The following PLIN2 variants were observed in gnomAD, a reference collection of about 807,000 sequenced individuals.
The protein encoded by PLIN2 is perilipin 2.
In PLIN2, 33 loss-of-function variants were observed where a neutral mutation model predicts 30.6. The ratio of observed to expected loss-of-function variants is 1.08; its 90% CI spans 0.82 to 1.44. The LOEUF (loss-of-function observed/expected upper bound fraction) is 1.44. PLIN2 is among the 40% of genes most tolerant of loss of function. The probability of loss-of-function intolerance (pLI) is 0.00; values close to 1 mark genes in which losing one functional copy is unlikely to be tolerated. For missense variants in PLIN2, 610 were observed against 531.8 expected (o/e 1.15, Z -1.45); for synonymous variants, 205 against 201.1 (o/e 1.02, Z -0.16).
Position 19,118,317 on chromosome 9 carries a change from T to G in PLIN2, c.912+4A>C, listed in dbSNP as rs369671467. 6.3e-7 allele frequency: 1 copy of G among 1,594,802 alleles called. No homozygotes were observed. Among genetic ancestry groups the G allele is most frequent in the South Asian group, 1.1e-5 (1 of 87,010 alleles). ...CCAACAAATGACCGTCCCAGTCATC[T>G]TACCTCAGCACAGTGGGACTCATCA... On this transcript the variant is annotated splice_donor_region_variant and intron_variant, in intron 7 of 7. Transcript: ENST00000276914.
Position 19,126,325 on chromosome 9 carries a change from G to A in PLIN2, c.31-16C>T. 2 of 1,613,536 alleles carry A rather than the reference G, an allele frequency of 1.2e-6. No homozygotes were observed. Among genetic ancestry groups the A allele is most frequent in the Non-Finnish European group, 1.7e-6 (2 of 1,179,508 alleles). ...TCACCACACTCTGCAATCAAAGTAG[G>A]GAGGGTATGCTTATTAATCTCTCAA... On this transcript the variant is annotated splice_polypyrimidine_tract_variant and intron_variant, in intron 2 of 7. Coordinates refer to ENST00000276914, the MANE Select transcript of PLIN2 (RefSeq NM_001122.4).
intron 3 of PLIN2, 47 bp downstream of exon 3, chr9:19,126,067 G>T: frequency 6.5e-7 from 1 of 1,532,888 alleles, no homozygotes; most frequent in Non-Finnish European, 9.0e-7. Context: ...TCAGGGGCTC[G>T]CCACTGACCA....
chr9:19,126,260 T>C lies in PLIN2; in HGVS notation c.80A>G (p.Asp27Gly). The change falls in exon 3 of 8, where the codon GAC (aspartate) becomes GGC (glycine). Residue 27 changes from aspartate (D) to glycine (G), a missense_variant. Coordinates refer to ENST00000276914, the MANE Select transcript of PLIN2 (RefSeq NM_001122.4). Reference sequence around the variant, plus strand: ...ACTGAGATAGGCTGAGGACATGAGGTCATACGTGGAGCTCACCAAGGGCAG... The same window carrying C: ...ACTGAGATAGGCTGAGGACATGAGGCCATACGTGGAGCTCACCAAGGGCAG... ...VNLPLVSSTY[D>G]LMSSAYLSTK... is the part of the protein sequence containing the mutation. The C allele has an allele frequency of 1.2e-6, 2 of 1,614,064 alleles. No individual in the cohort carries two copies. Among genetic ancestry groups the C allele is most frequent in the South Asian group, 1.1e-5 (1 of 91,074 alleles).
In PLIN2 at chr9:19,118,441, C is replaced by A. The variant is rs1293819229; in HGVS notation, c.792G>T (p.Arg264Ser). The change falls in exon 7 of 8, where the codon AGG (arginine) becomes AGT (serine). Residue 264 changes from arginine to serine, a missense_variant. Physicochemically the swap from Arg to Ser is moderately radical, Grantham distance 110. Coordinates refer to ENST00000276914, the MANE Select transcript of PLIN2 (RefSeq NM_001122.4). Reference protein sequence around the residue: ...HSTVHLIEFARKNVYSANQKI... With the variant: ...HSTVHLIEFASKNVYSANQKI... ...TCTGATTGGCACTATACACATTCTT[C>A]CTGGCAAATTCAATCTAGACACATT... The A allele has an allele frequency of 1.6e-5, 26 of 1,613,330 alleles. No individual in the cohort carries two copies. Among genetic ancestry groups the A allele is most frequent in the Non-Finnish European group, 2.2e-5 (26 of 1,179,830 alleles).
chr9:19,121,166 CTG>C lies in PLIN2; in HGVS notation c.310-3_310-2del, dbSNP rs1564030874. 2 of 1,613,440 alleles carry C rather than the reference CTG, an allele frequency of 1.2e-6. No individual in the cohort carries two copies. The highest frequency in any genetic ancestry group is 4.5e-5 in the East Asian group (2 of 44,872). On this transcript the variant is annotated splice_acceptor_variant and splice_polypyrimidine_tract_variant and intron_variant, in intron 4 of 7. Transcript: ENST00000276914. LOFTEE classifies it high-confidence loss of function. The stretch of plus-strand genomic sequence containing the variant: ...CAGCGCCTTTGGCATTGGCAACAAT[CTG>C]TAAGTAGAAAAGCAGATCCCCTGGC...
intron 2 of PLIN2, among the ~76,000 whole-genome samples, chr9:19,109,156 T>C (rs1321646778): frequency 6.6e-6 from 1 of 152,230 alleles, no homozygotes; most frequent in Non-Finnish European, 1.5e-5. Context: ...CCCTACCTCT[T>C]CCCTGCACAG....
At chr9:19,123,943 C>T (rs1236422946) in intron 3 of PLIN2, among the ~76,000 whole-genome samples, 1 of 148,772 alleles carries the variant, frequency 6.7e-6, no homozygotes. Context: ...CGCTTGAACT[C>T]AGGAAGCAGG....
chr9:19,109,424 T>C (rs572710746), intron 2 of PLIN2, among the ~76,000 whole-genome samples: 2 of 151,420 alleles, frequency 1.3e-5, no homozygotes, highest in South Asian at 4.2e-4. Context: ...CGTGGTGGCA[T>C]GCCCCTGTAG....
rs143794161 is a variant in PLIN2 at position 19,121,144 on chromosome 9, C to A, written c.331G>T (p.Ala111Ser). ...STQIVANAKGAVTGAKDAVTT... is the reference protein window; with the variant it reads ...STQIVANAKGSVTGAKDAVTT... ...ACAGCATCTTTTGCCCCAGTCACAG[C>A]GCCTTTGGCATTGGCAACAATCTGT... The change falls in exon 5 of 8, where the codon GCT (alanine) becomes TCT (serine). Residue 111 changes from alanine (A) to serine (S), a missense_variant. By Grantham distance (99) the Ala-to-Ser change is moderately conservative. Transcript: ENST00000276914. 1.9e-6 allele frequency: 3 copies of A among 1,613,838 alleles called. No individual in the cohort carries two copies. Among genetic ancestry groups the A allele is most frequent in the Admixed American group, 1.7e-5 (1 of 59,984 alleles).
In PLIN2 at chr9:19,126,284, A is replaced by C; in HGVS notation, c.56T>G (p.Leu19Arg). The C allele has an allele frequency of 1.9e-6, 3 of 1,614,098 alleles. No homozygotes were observed. Among genetic ancestry groups the C allele is most frequent in the East Asian group, 2.2e-5 (1 of 44,878 alleles). ...QPSVVTRVVN[L>R]PLVSSTYDLM... ...GTCATACGTGGAGCTCACCAAGGGC[A>C]GGTTGACCACCCGAGTCACCACACT... Residue 19 changes from leucine to arginine, a missense_variant, in exon 3 of 8, where the codon CTG (leucine) becomes CGG (arginine). Leu to Arg is a moderately radical substitution (Grantham distance 102). Coordinates refer to ENST00000276914, the MANE Select transcript of PLIN2 (RefSeq NM_001122.4).
In PLIN2 at chr9:19,118,343, G is replaced by C. The variant is rs1818262488; in HGVS notation, c.890C>G (p.Thr297Ser). 1.2e-6 allele frequency: 2 copies of C among 1,613,136 alleles called. No homozygotes were observed. Among genetic ancestry groups the C allele is most frequent in the Non-Finnish European group, 8.5e-7 (1 of 1,179,662 alleles). ...EWKRSIGYDD[T>S]DESHCAEHIE... is the part of the protein sequence containing the mutation. ...TACCTCAGCACAGTGGGACTCATCA[G>C]TATCATCATATCCAATGCTCCTTTT... The change falls in exon 7 of 8, where the codon ACT becomes AGT. Residue 297 changes from threonine to serine, a missense_variant. Coordinates refer to ENST00000276914, the MANE Select transcript of PLIN2 (RefSeq NM_001122.4).
downstream of PLIN2, among the ~76,000 whole-genome samples, chr9:19,114,409 A>C (rs10963967): frequency 6.9e-6 from 1 of 144,242 alleles, no homozygotes. Context: ...TCTATTTCAC[A>C]TTTTTTTTTT....
chr9:19,124,769 T>C (rs1293265837), intron 3 of PLIN2, among the ~76,000 whole-genome samples: 2 of 152,196 alleles, frequency 1.3e-5, no homozygotes, highest in East Asian at 3.8e-4. Context: ...ACACAAAAAC[T>C]TGTATACAAA....
At chr9:19,125,160 C>T (rs1236725021) in intron 3 of PLIN2, among the ~76,000 whole-genome samples, 1 of 152,170 alleles carries the variant, frequency 6.6e-6, no homozygotes, top group African/African-American at 2.4e-5. Context: ...GTAAAATATA[C>T]ATAACAAATT....
chr9:19,109,130 A>C (rs1357124031), intron 2 of PLIN2, among the ~76,000 whole-genome samples: 1 of 152,188 alleles, frequency 6.6e-6, no homozygotes, highest in African/African-American at 2.4e-5. Flanking sequence ...TTATGGTTGA[A>C]ACAGCCATCA....
chr9:19,109,912 C>G (rs576317054), intron 2 of PLIN2, among the ~76,000 whole-genome samples: 1 of 151,188 alleles, frequency 6.6e-6, no homozygotes, highest in Admixed American at 6.6e-5. Flanking sequence ...GCCAAGATTG[C>G]ACCACTGCAC....
rs745865190 is a variant in PLIN2, at chr9:19,119,796, C to G, written c.631G>C (p.Val211Leu). 1 of 1,590,330 alleles carries G rather than the reference C, an allele frequency of 6.3e-7. No individual in the cohort carries two copies. The highest frequency in any genetic ancestry group is 8.6e-7 in the Non-Finnish European group (1 of 1,168,220). The change falls in exon 6 of 8, where the codon GTT becomes CTT. Residue 211 changes from valine to leucine, a missense_variant. Physicochemically the swap from Val to Leu is conservative, Grantham distance 32. Transcript: ENST00000276914. ...EAKKVEGFDL[V>L]QKPSYYVRLG... ...CTAACATAATAACTTGGCTTCTGAA[C>G]CAGATCAAATCCTTCAACTTTTTTT...
Position 19,116,312 on chromosome 9 carries a change from T to A in PLIN2, c.1250A>T (p.Asp417Val). 6.2e-7 allele frequency: 1 copy of A among 1,613,830 alleles called. No individual in the cohort carries two copies. The highest frequency in any genetic ancestry group is 8.5e-7 in the Non-Finnish European group (1 of 1,179,982). The change falls in exon 8 of 8, where the codon GAC becomes GTC. Residue 417 changes from aspartate to valine, a missense_variant. Coordinates refer to ENST00000276914, the MANE Select transcript of PLIN2 (RefSeq NM_001122.4). The stretch of plus-strand genomic sequence containing the variant: ...GCTCTTGTCCATCTCTGCACCTTGG[T>A]CCTGAGCATTCTGAGACTCAGTCAG... ...PQLTESQNAQDQGAEMDKSSQ... is the reference protein window; with the variant it reads ...PQLTESQNAQVQGAEMDKSSQ...
rs951137719 is a variant in PLIN2 at position 19,123,576 on chromosome 9, G to A, written c.298C>T (p.Pro100Ser). The A allele has an allele frequency of 6.8e-6, 11 of 1,614,052 alleles. No individual in the cohort carries two copies. Among genetic ancestry groups the A allele is most frequent in the African/African-American group, 6.7e-5 (5 of 74,920 alleles). Reference sequence around the variant, plus strand: ...TGTCCCAAGCTCACCTGAGTTGATGGCTGATTCAGAATAGGCAGTCTCTCC... The same window carrying A: ...TGTCCCAAGCTCACCTGAGTTGATGACTGATTCAGAATAGGCAGTCTCTCC... ...IEERLPILNQ[P>S]STQIVANAKG... The change falls in exon 4 of 8, where the codon CCA (proline) becomes TCA (serine). Residue 100 changes from proline (P) to serine (S), a missense_variant. By Grantham distance (74) the Pro-to-Ser change is moderately conservative (BLOSUM62 -1). Coordinates refer to ENST00000276914, the MANE Select transcript of PLIN2 (RefSeq NM_001122.4).
Sources: allele counts gnomAD v4.1 joint callset (sites outside exome capture counted in the v4.1 genomes callset), GRCh38; gene constraint gnomAD v4.1.1; transcripts MANE v1.5; gene names NCBI Gene and HGNC (gene_info 2026-07-23, HGNC 2026-07-21).